Variants in SYTL3 observed in about 807,000 individuals in gnomAD.
SYTL3 encodes synaptotagmin like 3.
Under a neutral mutation model 82.1 loss-of-function variants are expected in SYTL3, and 88 were observed. The observed-to-expected ratio is 1.07, with a 90% CI of 0.90 to 1.28. The LOEUF is 1.28. SYTL3 is among the 50% of genes most tolerant of loss of function. SYTL3 has a pLI of 0.00. For synonymous variants in SYTL3, 311 were observed against 289.4 expected, an observed-to-expected ratio of 1.07 and a Z score of -0.76; for missense variants, 831 against 757.6, an observed-to-expected ratio of 1.10 and a Z score of -1.14.
At chr6:158,668,890 C>G (rs1407940015) in intron 5 of SYTL3, among the ~76,000 whole-genome samples, 1 of 152,070 alleles carries the variant, frequency 6.6e-6, no homozygotes, top group African/African-American at 2.4e-5. Flanking sequence ...ACCGAAGGAA[C>G]AGAAAGAGCC....
intron 11 of SYTL3, among the ~76,000 whole-genome samples, chr6:158,743,970 G>T (rs1787264316): frequency 6.6e-6 from 1 of 152,114 alleles, no homozygotes; most frequent in East Asian, 1.9e-4. Flanking sequence ...CCAGGCTGGA[G>T]TGCAGTGGTA....
intron 6 of SYTL3, among the ~76,000 whole-genome samples, chr6:158,688,232 T>C (rs543785821): frequency 4.6e-5 from 7 of 152,382 alleles, no homozygotes; most frequent in African/African-American, 1.7e-4. Context: ...AACTCTGTGA[T>C]GAACGTCTTG....
intron 16 of SYTL3, 119 bp from the exon 17 acceptor site, chr6:158,763,185 G>A: frequency 3.3e-6 from 3 of 901,416 alleles, no homozygotes; most frequent in Non-Finnish European, 5.3e-6. Context: ...ACTGGGGAGG[G>A]TGTGGATGTT....
At chr6:158,714,003 C>G in intron 9 of SYTL3, 125 bp downstream of exon 9, 1 of 706,012 alleles carries the variant, frequency 1.4e-6, no homozygotes, top group Non-Finnish European at 2.5e-6. Flanking sequence ...TCTCTGGACC[C>G]TGGGGAAAGC....
chr6:158,698,023 G>A (rs1222542212), intron 6 of SYTL3, among the ~76,000 whole-genome samples: 1 of 152,180 alleles, frequency 6.6e-6, no homozygotes, highest in African/African-American at 2.4e-5. Flanking sequence ...GTCCTGCTCT[G>A]TGTCTTCTTT....
chr6:158,730,086 T>C (rs936189700), intron 11 of SYTL3, among the ~76,000 whole-genome samples: 3 of 152,212 alleles, frequency 2.0e-5, no homozygotes, highest in Admixed American at 2.0e-4. Context: ...CACAGGCACA[T>C]TCCAGCTTGC....
chr6:158,729,460 C>G (rs936278531), intron 11 of SYTL3, among the ~76,000 whole-genome samples: 3 of 152,152 alleles, frequency 2.0e-5, no homozygotes, highest in African/African-American at 7.2e-5. Flanking sequence ...GGCCCCACCT[C>G]TTCATACTAT....
intron 6 of SYTL3, among the ~76,000 whole-genome samples, chr6:158,697,704 T>C (rs1050368079): frequency 6.6e-6 from 1 of 152,166 alleles, no homozygotes; most frequent in Non-Finnish European, 1.5e-5. Flanking sequence ...ATTCATTTTT[T>C]TTAGAGAAAA....
chr6:158,700,855 A>T (rs1781131932), intron 6 of SYTL3, among the ~76,000 whole-genome samples: 1 of 151,686 alleles, frequency 6.6e-6, no homozygotes, highest in Non-Finnish European at 1.5e-5. Context: ...TGACCTCATG[A>T]TCTGCCCTCC....
chr6:158,693,696 G>GTTTTCTTTCTTTCT (rs1780171272), intron 6 of SYTL3, among the ~76,000 whole-genome samples: 2 of 122,006 alleles, frequency 1.6e-5, no homozygotes, highest in African/African-American at 1.0e-4. Context: ...CTTTCTTTTC[G>GTTTTCTTTCTTTCT]TTTTCTTTCT....
At position 158,665,540 on chromosome 6, in the gene SYTL3, C is replaced by CG; in HGVS notation, c.257dup (p.Val87ArgfsTer36). ...CGCCGTGTGCCGGGGCTGCAGCCAC[C>CG]GCGTGTGTGCCCAGTGCCGAGTGTT... On this transcript the variant is annotated frameshift_variant, in exon 5 of 18. Transcript: ENST00000611299. LOFTEE classifies it high-confidence loss of function. 6.3e-7 allele frequency: 1 copy of CG among 1,587,800 alleles called. No homozygotes were observed. The highest frequency in any genetic ancestry group is 8.6e-7 in the Non-Finnish European group (1 of 1,167,972).
chr6:158,731,904 A>G (rs1785464807), intron 11 of SYTL3, among the ~76,000 whole-genome samples: 1 of 152,126 alleles, frequency 6.6e-6, no homozygotes, highest in African/African-American at 2.4e-5. Context: ...ACATAACTAA[A>G]TCTAACTCAC....
At chr6:158,669,872 C>T (rs146455207) in intron 5 of SYTL3, among the ~76,000 whole-genome samples, 6 of 152,156 alleles carry the variant, frequency 3.9e-5, no homozygotes, top group East Asian at 1.9e-4. Context: ...AATGCCCAAG[C>T]GGGAGGATCA....
Position 158,663,157 on chromosome 6 carries a change from C to G in SYTL3, c.-112C>G. The stretch of plus-strand genomic sequence containing the variant: ...GTTGCCAGTGAAATAGGAGAGGGAG[C>G]TCTTTAAACAAGGCTGGCTGCAGCT... On this transcript the variant is annotated 5_prime_UTR_variant, in exon 4 of 18. Coordinates refer to ENST00000611299, the MANE Select transcript of SYTL3 (RefSeq NM_001242394.2). The G allele has an allele frequency of 2.4e-6, 2 of 823,388 alleles. No individual in the cohort carries two copies. The highest frequency in any genetic ancestry group is 2.0e-6 in the Non-Finnish European group (1 of 508,282). 51.0% of individuals were successfully genotyped at this position (823,388 alleles called of 1,614,324 possible).
chr6:158,689,533 G>T (rs749324123), intron 6 of SYTL3, among the ~76,000 whole-genome samples: 1 of 151,940 alleles, frequency 6.6e-6, no homozygotes, highest in Non-Finnish European at 1.5e-5. Context: ...TTTTTTGTTT[G>T]CTTGTAGGCA....
At chr6:158,755,168 C>T (rs1788905566) in intron 13 of SYTL3, among the ~76,000 whole-genome samples, 1 of 152,134 alleles carries the variant, frequency 6.6e-6, no homozygotes, top group South Asian at 2.1e-4. Context: ...TGTAGAGAGA[C>T]CCCATCTCTA....
intron 11 of SYTL3, among the ~76,000 whole-genome samples, chr6:158,730,055 G>T (rs1358548121): frequency 6.6e-6 from 1 of 152,182 alleles, no homozygotes; most frequent in African/African-American, 2.4e-5. Flanking sequence ...CTTTAACCAA[G>T]ATATTTGTGC....
chr6:158,659,207 A>G (rs1349721228), intron 2 of SYTL3, among the ~76,000 whole-genome samples: 2 of 152,186 alleles, frequency 1.3e-5, no homozygotes, highest in Non-Finnish European at 2.9e-5. Flanking sequence ...TTTGGTCTGT[A>G]TTTGAAATAC....
chr6:158,759,164 C>G (rs1789565557), intron 14 of SYTL3, among the ~76,000 whole-genome samples: 1 of 152,222 alleles, frequency 6.6e-6, no homozygotes, highest in Non-Finnish European at 1.5e-5. Flanking sequence ...CAGGCCTCAT[C>G]AGACTGAGCC....
Sources: gnomAD v4.1 joint callset for allele counts (sites outside exome capture counted in the v4.1 genomes callset) on GRCh38, gnomAD v4.1.1 for gene constraint, MANE v1.5 for transcripts, NCBI Gene and HGNC (gene_info 2026-07-23, HGNC 2026-07-21) for gene names.